The following VPS13B variants were observed in gnomAD, a reference collection of about 807,000 sequenced individuals.
VPS13B encodes intermembrane lipid transfer protein VPS13B.
In VPS13B, 285 loss-of-function variants were observed where a neutral mutation model predicts 426.4. That is an observed-to-expected ratio of 0.67 (90% CI 0.61 to 0.74). The LOEUF (loss-of-function observed/expected upper bound fraction) is 0.74, where lower values mean the gene tolerates loss of function less well. Among genes scored for constraint, VPS13B ranks in the 30% least tolerant of loss-of-function variants. VPS13B has a pLI of 0.00. For synonymous variants in VPS13B, 1,676 were observed against 1,676.4 expected (o/e 1.00, Z 0.01); for missense variants, 4,537 against 4,782.6 (o/e 0.95, Z 1.51).
chr8:99,558,185 A>G (rs1219020827), intron 31 of VPS13B, among the ~76,000 whole-genome samples: 2 of 152,178 alleles, frequency 1.3e-5, no homozygotes, highest in Non-Finnish European at 2.9e-5. Flanking sequence ...AATTTTCACA[A>G]TAATCCTACC....
chr8:99,467,285 A>G, intron 23 of VPS13B, 129 bp from the exon 24 acceptor site: 1 of 977,088 alleles, frequency 1.0e-6, no homozygotes, highest in Non-Finnish European at 1.6e-6. Context: ...GGTCTCAGGA[A>G]TACTATATTC....
intron 35 of VPS13B, among the ~76,000 whole-genome samples, chr8:99,687,558 C>G (rs1193042259): frequency 1.3e-5 from 2 of 152,104 alleles, no homozygotes; most frequent in East Asian, 1.9e-4. Context: ...TAAATACTCC[C>G]TCTGTGGGTA....
Position 99,384,219 on chromosome 8 carries a change from C to T in VPS13B, c.2836C>T (p.Leu946Phe), listed in dbSNP as rs1016164966. ...DYCHNSGAVL[L>F]CSIQGLAVNI... ...ATCTTGTCTTTTAGGTGCTGTACTTCTTTGCAGTATACAAGGACTAGCAGT... is the reference window on the plus strand; with the variant it reads ...ATCTTGTCTTTTAGGTGCTGTACTTTTTTGCAGTATACAAGGACTAGCAGT... The change falls in exon 20 of 62, where the codon CTT becomes TTT. Residue 946 changes from leucine to phenylalanine, a missense_variant. Physicochemically the swap from Leu to Phe is conservative, Grantham distance 22. Around this residue, in one of 2 missense-constraint regions of VPS13B, gnomAD observed 4,311 missense variants for 4,474.3 expected, o/e 0.96. Transcript: ENST00000357162. The T allele has an allele frequency of 1.2e-6, 2 of 1,613,798 alleles. No homozygotes were observed. Among genetic ancestry groups the T allele is most frequent in the South Asian group, 1.1e-5 (1 of 91,076 alleles).
intron 34 of VPS13B, among the ~76,000 whole-genome samples, chr8:99,649,620 C>CTACA (rs1468017794): frequency 6.9e-6 from 1 of 143,894 alleles, no homozygotes; most frequent in East Asian, 2.2e-4. Flanking sequence ...ACAGTCCCCT[C>CTACA]TACATACACA....
At chr8:99,137,370 A>G (rs1810127228) in intron 12 of VPS13B, among the ~76,000 whole-genome samples, 1 of 152,106 alleles carries the variant, frequency 6.6e-6, no homozygotes, top group Non-Finnish European at 1.5e-5. Flanking sequence ...GTTTTATAAA[A>G]ATGATTTCAG....
chr8:99,640,056 GAAAAGAAAAGAAAAGAAAAGAA>G (rs1829276966), intron 33 of VPS13B, among the ~76,000 whole-genome samples: 4 of 95,168 alleles, frequency 4.2e-5, no homozygotes, highest in African/African-American at 1.9e-4. Context: ...GAAGAGAAAA[GAAAAGAAAAGAAAAGAAAAGAA>G]AAGAAAAGAA....
At chr8:99,811,852 G>T (rs1393196706) in intron 44 of VPS13B, among the ~76,000 whole-genome samples, 1 of 152,120 alleles carries the variant, frequency 6.6e-6, no homozygotes, top group Non-Finnish European at 1.5e-5. Flanking sequence ...CTGAGTTTGT[G>T]TATGTAAAAT....
chr8:99,596,534 C>T (rs1827026680), intron 33 of VPS13B, among the ~76,000 whole-genome samples: 1 of 151,930 alleles, frequency 6.6e-6, no homozygotes, highest in Admixed American at 6.6e-5. Context: ...AATTTATCAT[C>T]TCTGAGGTAT....
intron 19 of VPS13B, chr8:99,348,373 A>G (rs983765569): frequency 6.6e-6 from 1 of 152,252 alleles, no homozygotes; most frequent in African/African-American, 2.4e-5. Context: ...CTAACAAAAT[A>G]AACTCGCTTT....
chr8:99,075,410 C>G (rs1157830291), intron 3 of VPS13B, among the ~76,000 whole-genome samples: 1 of 152,108 alleles, frequency 6.6e-6, no homozygotes, highest in Non-Finnish European at 1.5e-5. Context: ...CTTTTAAAAA[C>G]TCAGATCTTG....
At position 99,766,887 on chromosome 8, in the gene VPS13B, C is replaced by T. The variant is rs374136243; in HGVS notation, c.7164C>T (p.Leu2388=). 149 of 1,613,822 alleles carry T rather than the reference C, an allele frequency of 9.2e-5. No individual in the cohort carries two copies. The highest frequency in any genetic ancestry group is 3.3e-4 in the Middle Eastern group (2 of 6,078). ...VCELQLPDIN[L]VNDQKKLVSS... is the part of the protein sequence containing the mutation. ...AACTGCAGTTGCCGGATATCAATCTCGTGAATGACCAGAAGAAATTAGTAT... is the reference window on the plus strand; with the variant it reads ...AACTGCAGTTGCCGGATATCAATCTTGTGAATGACCAGAAGAAATTAGTAT... The change falls in exon 40 of 62, where the codon CTC becomes CTT. Residue 2388 remains leucine (L), a synonymous_variant. Transcript: ENST00000357162.
intron 41 of VPS13B, among the ~76,000 whole-genome samples, chr8:99,777,571 C>G (rs756962916): frequency 6.6e-6 from 1 of 152,162 alleles, no homozygotes. Flanking sequence ...GGGACACAAC[C>G]AAACCATATC....
At chr8:99,725,282 G>A (rs1833293644) in intron 39 of VPS13B, among the ~76,000 whole-genome samples, 1 of 152,186 alleles carries the variant, frequency 6.6e-6, no homozygotes, top group East Asian at 1.9e-4. Context: ...CTTTACAGCA[G>A]GGTCCCCCAG....
chr8:99,867,109 G>A (rs1330955436), intron 58 of VPS13B, among the ~76,000 whole-genome samples: 1 of 152,152 alleles, frequency 6.6e-6, no homozygotes, highest in Non-Finnish European at 1.5e-5. Context: ...TACAATTGAC[G>A]TGATATGCAC....
chr8:99,134,808 G>A (rs1809987679), intron 9 of VPS13B, 81 bp downstream of exon 9: 1 of 1,271,218 alleles, frequency 7.9e-7, no homozygotes, highest in Admixed American at 2.0e-5. Flanking sequence ...ATCAGATGTA[G>A]TGTATTTAAA....
intron 39 of VPS13B, among the ~76,000 whole-genome samples, chr8:99,737,110 T>C (rs1833869631): frequency 1.0e-5 from 1 of 95,440 alleles, no homozygotes; most frequent in African/African-American, 5.3e-5. Context: ...GTCCTTCTTT[T>C]TTTTTTTTTT....
At chr8:99,356,602 G>A (rs1158424456) in intron 19 of VPS13B, among the ~76,000 whole-genome samples, 2 of 152,086 alleles carry the variant, frequency 1.3e-5, no homozygotes, top group Non-Finnish European at 2.9e-5. Context: ...AACTGTATTC[G>A]GGCCACTGCA....
chr8:99,175,085 C>A (rs920071435), intron 16 of VPS13B, among the ~76,000 whole-genome samples: 4 of 152,100 alleles, frequency 2.6e-5, no homozygotes, highest in African/African-American at 9.7e-5. Context: ...TAGATTCTTG[C>A]AGATAAATGA....
intron 21 of VPS13B, among the ~76,000 whole-genome samples, chr8:99,414,232 A>G (rs1170237279): frequency 1.4e-5 from 2 of 139,372 alleles, no homozygotes; most frequent in Non-Finnish European, 3.1e-5. Context: ...TAGGATTGCA[A>G]CCCCTGCTTT....
Sources: gnomAD v4.1 joint callset for allele counts (sites outside exome capture counted in the v4.1 genomes callset) on GRCh38, gnomAD v4.1.1 for gene constraint, gnomAD v4.1.1 regional missense constraint, MANE v1.5 for transcripts, NCBI Gene and HGNC (gene_info 2026-07-23, HGNC 2026-07-21) for gene names.